Variants in ASS1 observed in about 807,000 individuals in gnomAD.
ASS1 encodes argininosuccinate synthase.
Under a neutral mutation model 60.5 loss-of-function variants are expected in ASS1, and 58 were observed. The observed-to-expected ratio is 0.96, with a 90% confidence interval of 0.78 to 1.19. The LOEUF (loss-of-function observed/expected upper bound fraction) is 1.19. Among genes scored for constraint, ASS1 ranks in the 50% most tolerant of loss-of-function variants. The pLI, the probability that ASS1 is intolerant of heterozygous loss-of-function variation, is 0.00. For missense variants in ASS1, 454 were observed against 547.3 expected, an observed-to-expected ratio of 0.83 and a Z score of 1.70; for synonymous variants, 200 against 206.9, an observed-to-expected ratio of 0.97 and a Z score of 0.29.
In ASS1 at chr9:130,489,708, G is replaced by A. The variant is rs1393945625; in HGVS notation, c.970+244G>A. ...TGGGGTGTGTCCAGGGAGATGCACCGGCTTCCCAAGGTGTCCGGCAGCTTC... is the reference window on the plus strand; with the variant it reads ...TGGGGTGTGTCCAGGGAGATGCACCAGCTTCCCAAGGTGTCCGGCAGCTTC... On this transcript the variant is annotated intron_variant, in intron 12 of 14. Transcript: ENST00000352480. This position sits in a 1 kb window ranked among gnomAD's most constrained non-coding sequence, Gnocchi z 4.1. Among the ~76,000 whole-genome samples, 2 of 152,188 alleles carry A rather than the reference G, an allele frequency of 1.3e-5. No homozygotes were observed. Among genetic ancestry groups the A allele is most frequent in the Non-Finnish European group, 2.9e-5 (2 of 68,022 alleles).
chr9:130,449,826 G>T (rs999821880), intron 1 of ASS1, among the ~76,000 whole-genome samples: 5 of 152,170 alleles, frequency 3.3e-5, no homozygotes, highest in African/African-American at 1.2e-4. Context: ...GCCGAAACTT[G>T]CTAAATTGGA....
At chr9:130,452,375 C>A in intron 2 of ASS1, 42 bp downstream of exon 2, 1 of 1,553,618 alleles carries the variant, frequency 6.4e-7, no homozygotes, top group Non-Finnish European at 8.9e-7. Flanking sequence ...GCGTGTCCTG[C>A]AACCTGTCCT....
intron 13 of ASS1, among the ~76,000 whole-genome samples, chr9:130,495,252 G>A (rs567485424): frequency 5.3e-5 from 8 of 152,012 alleles, no homozygotes; most frequent in Non-Finnish European, 1.2e-4. Flanking sequence ...AGGTGGCAGC[G>A]GGCTGTGAGG....
chr9:130,484,285 C>T (rs1446188869), intron 11 of ASS1, among the ~76,000 whole-genome samples: 4 of 152,188 alleles, frequency 2.6e-5, no homozygotes, highest in African/African-American at 9.7e-5. Context: ...GCGGATCCCA[C>T]TCAATTCTGC....
rs1846029710 is a variant in ASS1, at chr9:130,476,785, A to G, written c.598-86A>G. The G allele has an allele frequency of 4.0e-6, 5 of 1,237,222 alleles. No individual in the cohort carries two copies. In the Admixed American group the frequency reaches 8.4e-5, roughly 21 times the overall value. 76.6% of individuals were successfully genotyped at this position (1,237,222 alleles called of 1,614,324 possible). A position where few individuals can be genotyped will look rare whatever the true frequency, so the allele number is the denominator to read the frequency against. ...GCTGGTGGGGAAATGGACAGAGGAG[A>G]GGGGTGCAGATCCCCGCGGGAGGTG... On this transcript the variant is annotated intron_variant, in intron 8 of 14. Transcript: ENST00000352480. This position sits in a 1 kb window ranked among gnomAD's most constrained non-coding sequence, Gnocchi z 4.9.
At chr9:130,468,628 C>T (rs1033998939) in intron 6 of ASS1, among the ~76,000 whole-genome samples, 1 of 152,126 alleles carries the variant, frequency 6.6e-6, no homozygotes, top group Non-Finnish European at 1.5e-5. Flanking sequence ...GACAGGGTCT[C>T]ACCATGTTGC....
chr9:130,451,578 C>G (rs1845326883), intron 1 of ASS1: 1 of 347,440 alleles, frequency 2.9e-6, no homozygotes, highest in African/African-American at 2.1e-5. Flanking sequence ...GCCCCTGCCC[C>G]ACAGCATCCT....
rs1343998994 is a variant in ASS1, at chr9:130,478,871, C to T, written c.689-845C>T. Among the ~76,000 whole-genome samples, 4 of 152,154 alleles carry T rather than the reference C, an allele frequency of 2.6e-5. No individual in the cohort carries two copies. Among genetic ancestry groups the T allele is most frequent in the Non-Finnish European group, 5.9e-5 (4 of 68,036 alleles). ...CCTTGAGTGAAGCCCCTCCAAGCGG[C>T]GCCTGGCTAATAAAGCCTCGAAAGC... On this transcript the variant is annotated intron_variant, in intron 9 of 14. Coordinates refer to ENST00000352480, the MANE Select transcript of ASS1 (RefSeq NM_054012.4). This position sits in a 1 kb window ranked among gnomAD's most constrained non-coding sequence, Gnocchi z 4.7.
upstream of ASS1, among the ~76,000 whole-genome samples, chr9:130,444,728 T>G: frequency 6.6e-6 from 1 of 151,074 alleles, no homozygotes; most frequent in African/African-American, 2.4e-5. This position sits in a 1 kb window ranked among gnomAD's most constrained non-coding sequence, Gnocchi z 4.7. Flanking sequence ...CCTGGGAGGG[T>G]GAGCCGGCGC....
chr9:130,448,496 CCAGAGGCTGAAGGCCT>C (rs1845251307), intron 1 of ASS1, among the ~76,000 whole-genome samples: 1 of 152,078 alleles, frequency 6.6e-6, no homozygotes, highest in South Asian at 2.1e-4. Flanking sequence ...CTGCCCAGCC[CCAGAGGCTGAAGGCCT>C]CAGAGCCCAC....
intron 11 of ASS1, among the ~76,000 whole-genome samples, chr9:130,483,683 C>T (rs1240459170): frequency 6.7e-6 from 1 of 148,328 alleles, no homozygotes; most frequent in Non-Finnish European, 1.5e-5. Flanking sequence ...TCCCGCCGCT[C>T]TCCCCTCTCC....
Position 130,494,777 on chromosome 9 carries a change from C to CCATGGGG in ASS1, c.971-87_971-81dup. On this transcript the variant is annotated intron_variant, in intron 12 of 14. Transcript: ENST00000352480. The surrounding 1 kb of genome is among the most constrained non-coding windows in gnomAD (Gnocchi z 4.3). ...GTCATGGTCTGCATGGCGGGGTAAA[C>CCATGGGG]CATGGGGCACCCTTCCTGTGCCCCA... The CCATGGGG allele has an allele frequency of 6.5e-7, 1 of 1,542,776 alleles. No homozygotes were observed. Among genetic ancestry groups the CCATGGGG allele is most frequent in the Non-Finnish European group, 8.9e-7 (1 of 1,119,736 alleles).
At chr9:130,456,359 G>A (rs1418050173) in intron 3 of ASS1, among the ~76,000 whole-genome samples, 2 of 151,982 alleles carry the variant, frequency 1.3e-5, no homozygotes, top group African/African-American at 4.8e-5. Flanking sequence ...CCAGATGCTC[G>A]GGAGGCTGAG....
intron 1 of ASS1, among the ~76,000 whole-genome samples, chr9:130,449,675 G>T (rs977989655): frequency 1.3e-5 from 2 of 152,096 alleles, no homozygotes; most frequent in South Asian, 4.2e-4. Context: ...CCAGTCAAAC[G>T]AGATGCAGGG....
At position 130,489,239 on chromosome 9, in the gene ASS1, ATTATTAT is replaced by A; in HGVS notation, c.839-91_839-85del. 1 of 1,436,116 alleles carries A rather than the reference ATTATTAT, an allele frequency of 7.0e-7. No homozygotes were observed. 89.0% of individuals were successfully genotyped at this position (1,436,116 alleles called of 1,614,324 possible). On this transcript the variant is annotated intron_variant, in intron 11 of 14. Coordinates refer to ENST00000352480, the MANE Select transcript of ASS1 (RefSeq NM_054012.4). This position sits in a 1 kb window ranked among gnomAD's most constrained non-coding sequence, Gnocchi z 4.1. ...GTCTCCTGTCAGACGACTCATTATT[ATTATTAT>A]TTTTTTTTTTGTCATTTGCTGACAG...
intron 13 of ASS1, among the ~76,000 whole-genome samples, chr9:130,495,478 C>T (rs1282456882): frequency 1.0e-3 from 152 of 150,250 alleles, no homozygotes; most frequent in Middle Eastern, 3.4e-3. Flanking sequence ...CATATACACA[C>T]ACACACACAC....
At chr9:130,458,809 C>T (rs952030252) in intron 4 of ASS1, among the ~76,000 whole-genome samples, 1 of 152,262 alleles carries the variant, frequency 6.6e-6, no homozygotes, top group Admixed American at 6.5e-5. Flanking sequence ...CTCACCTCCA[C>T]CTTCTGCTGT....
intron 10 of ASS1, chr9:130,480,021 C>G: frequency 1.4e-6 from 1 of 712,986 alleles, no homozygotes; most frequent in Non-Finnish European, 2.6e-6. Context: ...CAGGAGGTCT[C>G]CTGCCTCCAA....
intron 11 of ASS1, among the ~76,000 whole-genome samples, chr9:130,487,790 A>C (rs1416832619): frequency 6.6e-6 from 1 of 150,594 alleles, no homozygotes; most frequent in Non-Finnish European, 1.5e-5. Context: ...TTGCTTTGTC[A>C]CCCAGGCTGG....
Sources: gnomAD v4.1 joint callset for allele counts (sites outside exome capture counted in the v4.1 genomes callset) on GRCh38, gnomAD v4.1.1 for gene constraint, Gnocchi (gnomAD v3.1) non-coding constraint, MANE v1.5 for transcripts, NCBI Gene and HGNC (gene_info 2026-07-23, HGNC 2026-07-21) for gene names.